GREM2: variants seen among roughly 807,000 people sequenced by gnomAD.
GREM2 encodes the protein gremlin 2, DAN family BMP antagonist, also known as gremlin-2.
GREM2 carries 11 observed loss-of-function variants against 14.2 expected under a neutral mutation model. That is an observed-to-expected ratio of 0.78 (90% CI 0.49 to 1.28). The LOEUF is 1.28. Among genes scored for constraint, GREM2 ranks in the 50% most tolerant of loss-of-function variants. The pLI, the probability that GREM2 is intolerant of heterozygous loss-of-function variation, is 0.00. For synonymous variants in GREM2, 98 were observed against 97.6 expected, an observed-to-expected ratio of 1.00 and a Z score of -0.02; for missense variants, 210 against 218.5, an observed-to-expected ratio of 0.96 and a Z score of 0.24.
chr1:240,530,102 C>G (rs1282496621), intron 1 of GREM2, among the ~76,000 whole-genome samples: 1 of 152,096 alleles, frequency 6.6e-6, no homozygotes, highest in Non-Finnish European at 1.5e-5. Context: ...CCTCAACATT[C>G]CCTAAAACAT....
At chr1:240,520,011 C>T (rs954103620) in intron 1 of GREM2, among the ~76,000 whole-genome samples, 4 of 151,900 alleles carry the variant, frequency 2.6e-5, no homozygotes, top group African/African-American at 9.7e-5. Flanking sequence ...ACCCGAGAGA[C>T]GGAGGTTGCG....
chr1:240,565,636 C>G (rs961158319), intron 1 of GREM2, among the ~76,000 whole-genome samples: 3 of 151,894 alleles, frequency 2.0e-5, no homozygotes, highest in Non-Finnish European at 4.4e-5. Context: ...TGCCTGAGCT[C>G]AGGACGAGAT....
chr1:240,558,639 C>T (rs569333571), intron 1 of GREM2, among the ~76,000 whole-genome samples: 2 of 152,122 alleles, frequency 1.3e-5, no homozygotes, highest in East Asian at 3.9e-4. Flanking sequence ...TGGGAAAAGC[C>T]TTCCCTGGAC....
intron 1 of GREM2, among the ~76,000 whole-genome samples, chr1:240,585,591 G>T (rs978246024): frequency 6.6e-6 from 1 of 151,700 alleles, no homozygotes; most frequent in South Asian, 2.1e-4. Context: ...TTAGCCAGGC[G>T]TGGTGGCGGG....
intron 1 of GREM2, among the ~76,000 whole-genome samples, chr1:240,536,317 G>T (rs1056734621): frequency 6.6e-6 from 1 of 152,152 alleles, no homozygotes; most frequent in Non-Finnish European, 1.5e-5. Flanking sequence ...CTGAAGTAAG[G>T]TCTGATAATT....
At chr1:240,564,046 C>CA (rs1298922356) in intron 1 of GREM2, among the ~76,000 whole-genome samples, 1 of 151,798 alleles carries the variant, frequency 6.6e-6, no homozygotes, top group African/African-American at 2.4e-5. Flanking sequence ...CCTACCTCTA[C>CA]AAAAAATTAA....
intron 1 of GREM2, among the ~76,000 whole-genome samples, chr1:240,604,193 C>G (rs1165526552): frequency 2.6e-5 from 4 of 151,810 alleles, no homozygotes; most frequent in African/African-American, 9.7e-5. Context: ...GGGATCTACC[C>G]CCAGGATGAA....
intron 1 of GREM2, among the ~76,000 whole-genome samples, chr1:240,531,851 G>T (rs1678370511): frequency 1.3e-5 from 2 of 151,642 alleles, no homozygotes; most frequent in Non-Finnish European, 1.5e-5. Context: ...TGGGATTACA[G>T]GCGCCCGCCA....
Position 240,591,071 on chromosome 1 carries a change from T to TGC in GREM2, c.-2+20811_-2+20812dup, listed in dbSNP as rs1189214658. On this transcript the variant is annotated intron_variant, in intron 1 of 1. Transcript: ENST00000318160. ...CTGGGATTACAGGCGTGAGCCACCATGCCCAGCCAGAAATGACTTCTTAAC... is the reference window on the plus strand; with the variant it reads ...CTGGGATTACAGGCGTGAGCCACCATGCGCCCAGCCAGAAATGACTTCTTAAC... 1.6e-3 allele frequency among the ~76,000 whole-genome samples: 246 copies of TGC among 152,296 alleles called. 1 individual carries two copies. The highest frequency in any genetic ancestry group is 3.0e-3 in the Non-Finnish European group (206 of 68,022).
At chr1:240,532,272 C>A (rs1164844078) in intron 1 of GREM2, among the ~76,000 whole-genome samples, 1 of 152,000 alleles carries the variant, frequency 6.6e-6, no homozygotes, top group African/African-American at 2.4e-5. Context: ...TTAGTAGAGA[C>A]AGGGTTTCAC....
chr1:240,534,797 T>C (rs184884787), intron 1 of GREM2, among the ~76,000 whole-genome samples: 1 of 151,100 alleles, frequency 6.6e-6, no homozygotes, highest in Non-Finnish European at 1.5e-5. Flanking sequence ...ATCACCCTGG[T>C]AGGAAAAAGT....
At chr1:240,522,740 T>C (rs1345908327) in intron 1 of GREM2, among the ~76,000 whole-genome samples, 1 of 152,240 alleles carries the variant, frequency 6.6e-6, no homozygotes, top group Non-Finnish European at 1.5e-5. Flanking sequence ...CGTGCTCCTG[T>C]GTCACTCTAT....
intron 1 of GREM2, among the ~76,000 whole-genome samples, chr1:240,556,623 A>G (rs1167750163): frequency 2.6e-5 from 4 of 152,200 alleles, no homozygotes; most frequent in Non-Finnish European, 4.4e-5. Context: ...TCAAAATCTC[A>G]TAAGAGATAA....
intron 1 of GREM2, among the ~76,000 whole-genome samples, chr1:240,533,643 C>T (rs1678411537): frequency 6.6e-6 from 1 of 152,146 alleles, no homozygotes; most frequent in Non-Finnish European, 1.5e-5. Context: ...CACAGCCTCC[C>T]ACAAAGTCAA....
chr1:240,547,526 TATATATATAG>T (rs1346477756), intron 1 of GREM2, among the ~76,000 whole-genome samples: 3 of 134,370 alleles, frequency 2.2e-5, no homozygotes, highest in African/African-American at 9.9e-5. Context: ...TATATATATA[TATATATATAG>T]ATAGATAGAT....
At chr1:240,513,778 T>C (rs1677889249) in intron 1 of GREM2, among the ~76,000 whole-genome samples, 1 of 152,094 alleles carries the variant, frequency 6.6e-6, no homozygotes, top group Non-Finnish European at 1.5e-5. Flanking sequence ...AGTGACATCA[T>C]CTAATTTTAT....
chr1:240,554,167 T>C (rs905852553), intron 1 of GREM2, among the ~76,000 whole-genome samples: 6 of 152,082 alleles, frequency 3.9e-5, no homozygotes, highest in African/African-American at 1.4e-4. Flanking sequence ...TCCCAGCACT[T>C]TGGGAGGCCG....
At chr1:240,607,384 C>T (rs996391476) in intron 1 of GREM2, among the ~76,000 whole-genome samples, 17 of 151,942 alleles carry the variant, frequency 1.1e-4, no homozygotes, top group African/African-American at 4.1e-4. Context: ...AGTCTTAATA[C>T]TATTAGACCC....
chr1:240,511,657 G>C (rs1345593677), intron 1 of GREM2, among the ~76,000 whole-genome samples: 1 of 152,200 alleles, frequency 6.6e-6, no homozygotes, highest in Admixed American at 6.5e-5. Context: ...GGAGGCTGAG[G>C]CAGGAGAATT....
Sources: allele counts gnomAD v4.1 joint callset (sites outside exome capture counted in the v4.1 genomes callset), GRCh38; gene constraint gnomAD v4.1.1; transcripts MANE v1.5; gene names NCBI Gene and HGNC (gene_info 2026-07-23, HGNC 2026-07-21).